STIM2: variants seen among roughly 807,000 people sequenced by gnomAD.
STIM2 encodes stromal interaction molecule 2.
STIM2 carries 31 observed loss-of-function variants against 85.8 expected under a neutral mutation model. The observed-to-expected ratio is 0.36, with a 90% CI of 0.27 to 0.49. STIM2 has a LOEUF of 0.49. Among genes scored for constraint, STIM2 ranks in the 20% least tolerant of loss-of-function variants. The pLI is 0.98. For missense variants in STIM2, 841 were observed against 927.6 expected (o/e 0.91, Z 1.21); for synonymous variants, 356 against 331.1 (o/e 1.08, Z -0.82).
At chr4:26,919,126 G>GT (rs113389815) in intron 1 of STIM2, among the ~76,000 whole-genome samples, 2,929 of 136,246 alleles carry the variant, frequency 0.021, 83 homozygotes, top group African/African-American at 0.069. Context: ...ATTTTTTAGT[G>GT]TTTTTTTTTT....
chr4:27,021,153 C>A, intron 11 of STIM2: 3 of 1,280,556 alleles, frequency 2.3e-6, no homozygotes, highest in Non-Finnish European at 2.2e-6. Flanking sequence ...TCATCCAACA[C>A]ATTTTTATGA....
At chr4:26,945,539 A>G (rs7670910) in intron 2 of STIM2, among the ~76,000 whole-genome samples, 5,581 of 152,260 alleles carry the variant, frequency 0.037, 142 homozygotes, top group South Asian at 0.079. Flanking sequence ...GTCTTCCACA[A>G]TGGTTGAACT....
At chr4:26,910,113 A>G (rs1724279578) in intron 1 of STIM2, among the ~76,000 whole-genome samples, 1 of 152,198 alleles carries the variant, frequency 6.6e-6, no homozygotes, top group Admixed American at 6.5e-5. Flanking sequence ...TGCACCTGTT[A>G]ACTTTCTTTT....
chr4:26,895,734 A>T lies in STIM2; in HGVS notation c.152-23770A>T, dbSNP rs1479116110. 2.6e-5 allele frequency among the ~76,000 whole-genome samples: 4 copies of T among 152,354 alleles called. No homozygotes were observed. In the East Asian group the frequency reaches 5.8e-4, roughly 22 times the overall value. On this transcript the variant is annotated intron_variant, in intron 1 of 11. Transcript: ENST00000467087. ...TTCTCATGAAACATTCAGCCAGAAC[A>T]GGAGGGCCTAAGTTTCAGACAAATT...
chr4:26,995,574 T>G, intron 4 of STIM2, 84 bp downstream of exon 4: 1 of 714,848 alleles, frequency 1.4e-6, no homozygotes. Context: ...ATCTACAAGT[T>G]ACTTCCGTGG....
chr4:26,901,309 A>T (rs1016128232), intron 1 of STIM2, among the ~76,000 whole-genome samples: 1 of 152,174 alleles, frequency 6.6e-6, no homozygotes, highest in African/African-American at 2.4e-5. Context: ...TGAATAAAAA[A>T]TTTCTAGGAA....
intron 3 of STIM2, among the ~76,000 whole-genome samples, chr4:26,958,011 G>A (rs950597220): frequency 5.9e-5 from 9 of 152,054 alleles, no homozygotes; most frequent in Non-Finnish European, 8.8e-5. Context: ...CAGCTATTAC[G>A]TGACATTATT....
At chr4:26,959,016 G>A (rs537087330) in intron 3 of STIM2, among the ~76,000 whole-genome samples, 7 of 152,192 alleles carry the variant, frequency 4.6e-5, no homozygotes, top group South Asian at 2.1e-4. Context: ...AGCCACCATC[G>A]TCTCTTGCCT....
At chr4:26,928,286 A>C (rs1725061446) in intron 2 of STIM2, among the ~76,000 whole-genome samples, 1 of 152,214 alleles carries the variant, frequency 6.6e-6, no homozygotes, top group Non-Finnish European at 1.5e-5. Flanking sequence ...ACAAACATTC[A>C]AATCATAGCA....
At chr4:27,001,315 C>T (rs1393067871) in intron 5 of STIM2, among the ~76,000 whole-genome samples, 1 of 152,122 alleles carries the variant, frequency 6.6e-6, no homozygotes, top group Non-Finnish European at 1.5e-5. Flanking sequence ...TGGGCTAAAT[C>T]AGGAAATCTG....
chr4:26,997,478 A>C (rs762667497), intron 4 of STIM2, among the ~76,000 whole-genome samples: 1 of 152,166 alleles, frequency 6.6e-6, no homozygotes, highest in Non-Finnish European at 1.5e-5. Flanking sequence ...CATTTCTTTC[A>C]GGCCTATGTG....
At chr4:27,006,486 G>A (rs1728363663) in intron 7 of STIM2, among the ~76,000 whole-genome samples, 1 of 152,156 alleles carries the variant, frequency 6.6e-6, no homozygotes, top group Admixed American at 6.5e-5. Flanking sequence ...GTAGTCGCTC[G>A]TAGCTTTGCC....
Position 27,023,025 on chromosome 4 carries a change from A to G in STIM2, c.*29A>G, listed in dbSNP as rs754112608. ...GGCTGACTTGATGGAATCATGTTCA[A>G]GTGGCATCTGTAAACTATTATCCCC... On this transcript the variant is annotated 3_prime_UTR_variant, in exon 12 of 12. Transcript: ENST00000467087. 6.3e-7 allele frequency: 1 copy of G among 1,590,846 alleles called. No individual in the cohort carries two copies. The highest frequency in any genetic ancestry group is 8.5e-7 in the Non-Finnish European group (1 of 1,171,200).
In STIM2 at chr4:26,860,871, GC is replaced by G; in HGVS notation, c.-347del. 1 of 891,076 alleles carries G rather than the reference GC, an allele frequency of 1.1e-6. No homozygotes were observed. 55.2% of individuals were successfully genotyped at this position (891,076 alleles called of 1,614,324 possible). ...AGCGGATCCCGGTCTCGCCGCAGCA[GC>G]AGCGCGGGTGTCGTGCACCGCCTGA... On this transcript the variant is annotated 5_prime_UTR_variant, in exon 1 of 12. Transcript: ENST00000467087.
intron 1 of STIM2, among the ~76,000 whole-genome samples, chr4:26,868,349 A>G (rs576224964): frequency 1.8e-4 from 28 of 152,150 alleles, no homozygotes; most frequent in African/African-American, 5.3e-4. Flanking sequence ...TTTTTTCTCT[A>G]GTCATTTTCA....
intron 1 of STIM2, among the ~76,000 whole-genome samples, chr4:26,890,115 C>A (rs1200968537): frequency 6.6e-6 from 1 of 152,152 alleles, no homozygotes; most frequent in African/African-American, 2.4e-5. Flanking sequence ...CTATCCCTGT[C>A]CCAGAAAGGC....
intron 2 of STIM2, among the ~76,000 whole-genome samples, chr4:26,947,154 G>GTGTT (rs1251466677): frequency 2.0e-5 from 3 of 152,148 alleles, no homozygotes; most frequent in Non-Finnish European, 4.4e-5. Flanking sequence ...GTAGCTCCAA[G>GTGTT]TGTTGTATTC....
At chr4:27,011,752 C>A (rs1277649919) in intron 10 of STIM2, among the ~76,000 whole-genome samples, 1 of 152,004 alleles carries the variant, frequency 6.6e-6, no homozygotes, top group Non-Finnish European at 1.5e-5. Context: ...GTTCAGATTT[C>A]TTCCTGAGTT....
At chr4:26,961,812 C>T (rs967262182) in intron 3 of STIM2, among the ~76,000 whole-genome samples, 7 of 151,944 alleles carry the variant, frequency 4.6e-5, no homozygotes, top group African/African-American at 7.3e-5. Flanking sequence ...TGACCCAGGC[C>T]GGAGTGCAGT....
Sources: allele counts gnomAD v4.1 joint callset (sites outside exome capture counted in the v4.1 genomes callset), GRCh38; gene constraint gnomAD v4.1.1; transcripts MANE v1.5; gene names NCBI Gene and HGNC (gene_info 2026-07-23, HGNC 2026-07-21).